HCN1: variants seen among roughly 807,000 people sequenced by gnomAD.
HCN1 encodes the protein hyperpolarization activated cyclic nucleotide gated potassium channel 1, also known as potassium/sodium hyperpolarization-activated cyclic nucleotide-gated channel 1.
HCN1 carries 13 observed loss-of-function variants against 78.9 expected under a neutral mutation model. The ratio of observed to expected loss-of-function variants is 0.16; its 90% CI spans 0.11 to 0.26. The LOEUF (loss-of-function observed/expected upper bound fraction) is 0.26. Among genes scored for constraint, HCN1 ranks in the 10% least tolerant of loss-of-function variants. HCN1 has a pLI of 1.00. For synonymous variants in HCN1, 552 were observed against 455.5 expected (o/e 1.21, Z -2.70); for missense variants, 810 against 1,154.3 (o/e 0.70, Z 4.32).
rs576934645 is a variant in HCN1, at chr5:45,375,921, T to C, written c.1230+20571A>G. 7.3e-5 allele frequency among the ~76,000 whole-genome samples: 9 copies of C among 122,588 alleles called. No individual in the cohort carries two copies. In the Admixed American group the frequency reaches 8.6e-4, roughly 12 times the overall value. 80.4% of individuals were successfully genotyped at this position (122,588 alleles called of 152,430 possible). ...TGATATAATATTTTATCTTATATAT[T>C]ATATATGATATAATATTTTATCACA... On this transcript the variant is annotated intron_variant, in intron 4 of 7. Coordinates refer to ENST00000303230, the MANE Select transcript of HCN1 (RefSeq NM_021072.4).
At chr5:45,399,706 T>C (rs771593676) in intron 3 of HCN1, among the ~76,000 whole-genome samples, 2 of 152,150 alleles carry the variant, frequency 1.3e-5, no homozygotes, top group Non-Finnish European at 2.9e-5. Context: ...CTGCACATAG[T>C]TGCTAAAAAA....
At position 45,539,919 on chromosome 5, in the gene HCN1, G is replaced by GATATATATATAT. The variant is rs66934051; in HGVS notation, c.850-77924_850-77913dup. Among the ~76,000 whole-genome samples the GATATATATATAT allele has an allele frequency of 5.8e-4, 73 of 126,066 alleles. 1 individual carries two copies. The highest frequency in any genetic ancestry group is 2.3e-3 in the African/African-American group (70 of 29,946). The allele number at this position is 126,066 out of a possible 152,430, so 82.7% of individuals were successfully genotyped here. A position where few individuals can be genotyped will look rare whatever the true frequency, so the allele number is the denominator to read the frequency against. Reference sequence around the variant, plus strand: ...GAAATCCCATTGTTTTAAATTGTGAGATATATATATATATATATATATATA... The same window carrying GATATATATATAT: ...GAAATCCCATTGTTTTAAATTGTGAGATATATATATATATATATATATATATATATATATATA... On this transcript the variant is annotated intron_variant, in intron 2 of 7. Transcript: ENST00000303230.
chr5:45,638,985 AATAAT>A (rs2112022712), intron 2 of HCN1, among the ~76,000 whole-genome samples: 1 of 152,358 alleles, frequency 6.6e-6, no homozygotes, highest in African/African-American at 2.4e-5. Flanking sequence ...TTAAAAAGTA[AATAAT>A]ATAATATTGA....
chr5:45,636,040 A>C (rs1745352103), intron 2 of HCN1, among the ~76,000 whole-genome samples: 2 of 152,170 alleles, frequency 1.3e-5, no homozygotes, highest in African/African-American at 4.8e-5. Context: ...TTTTCATTAG[A>C]TAAGTATATT....
At chr5:45,495,947 A>G (rs1407298523) in intron 2 of HCN1, among the ~76,000 whole-genome samples, 1 of 152,176 alleles carries the variant, frequency 6.6e-6, no homozygotes, top group Non-Finnish European at 1.5e-5. Flanking sequence ...CCCAGGGATG[A>G]AGCCCACTTG....
chr5:45,613,051 T>C (rs1744872381), intron 2 of HCN1, among the ~76,000 whole-genome samples: 1 of 151,968 alleles, frequency 6.6e-6, no homozygotes, highest in Non-Finnish European at 1.5e-5. Flanking sequence ...ATGTGCACAT[T>C]GTGCAGGTTA....
At chr5:45,545,941 T>C (rs543870669) in intron 2 of HCN1, among the ~76,000 whole-genome samples, 1 of 152,164 alleles carries the variant, frequency 6.6e-6, no homozygotes, top group South Asian at 2.1e-4. Flanking sequence ...GTATATACTT[T>C]AATGCTCCGT....
At chr5:45,651,238 A>T (rs1745670731) in intron 1 of HCN1, among the ~76,000 whole-genome samples, 1 of 152,030 alleles carries the variant, frequency 6.6e-6, no homozygotes, top group Admixed American at 6.6e-5. Context: ...TAGAATTCCC[A>T]AAAGATAAAT....
rs144467776 is a variant in HCN1 at position 45,402,262 on chromosome 5, G to T, written c.1012-5552C>A. On this transcript the variant is annotated intron_variant, in intron 3 of 7. Transcript: ENST00000303230. ...CAATGAAAACTTGTGAGCAGAGAATGATATGATCTAAACCGTATTTTAGGA... is the reference window on the plus strand; with the variant it reads ...CAATGAAAACTTGTGAGCAGAGAATTATATGATCTAAACCGTATTTTAGGA... Among the ~76,000 whole-genome samples the T allele has an allele frequency of 2.1e-3, 325 of 152,232 alleles. 7 individuals carry two copies. Among genetic ancestry groups the T allele is most frequent in the East Asian group, 0.019 (97 of 5,166 alleles).
intron 4 of HCN1, 73 bp from the exon 5 acceptor site, chr5:45,353,319 G>T (rs1333329306): frequency 6.0e-6 from 7 of 1,170,010 alleles, no homozygotes; most frequent in African/African-American, 1.5e-5. Flanking sequence ...ATTTTGTTTT[G>T]CTATATTCAA....
At chr5:45,532,648 A>G (rs1742883903) in intron 2 of HCN1, among the ~76,000 whole-genome samples, 1 of 152,198 alleles carries the variant, frequency 6.6e-6, no homozygotes, top group South Asian at 2.1e-4. Context: ...GTTTATTTAT[A>G]TCACAACATA....
chr5:45,502,793 A>G (rs1280184599), intron 2 of HCN1, among the ~76,000 whole-genome samples: 3 of 152,176 alleles, frequency 2.0e-5, no homozygotes, highest in Admixed American at 2.0e-4. Context: ...GATTAACAAT[A>G]ATAATAATAG....
intron 5 of HCN1, among the ~76,000 whole-genome samples, chr5:45,332,282 A>G (rs1366422872): frequency 6.6e-6 from 1 of 151,532 alleles, no homozygotes; most frequent in Non-Finnish European, 1.5e-5. Flanking sequence ...TAGTAATCAC[A>G]TCATGGAAAG....
intron 2 of HCN1, among the ~76,000 whole-genome samples, chr5:45,588,731 C>T (rs758909006): frequency 1.3e-5 from 2 of 152,188 alleles, no homozygotes; most frequent in Non-Finnish European, 2.9e-5. Context: ...GCCTTTCATA[C>T]CTGTCAGCAC....
At chr5:45,369,941 A>G (rs1747318566) in intron 4 of HCN1, among the ~76,000 whole-genome samples, 1 of 152,198 alleles carries the variant, frequency 6.6e-6, no homozygotes, top group South Asian at 2.1e-4. Flanking sequence ...GTAAATAACA[A>G]TAACAAAAAT....
intron 2 of HCN1, among the ~76,000 whole-genome samples, chr5:45,572,443 C>T (rs76956025): frequency 0.03 from 4,595 of 152,168 alleles, 95 homozygotes; most frequent in Non-Finnish European, 0.047. Context: ...GTGCAATCTG[C>T]TCAGGGCTAA....
chr5:45,278,263 T>C (rs971659426), intron 6 of HCN1, among the ~76,000 whole-genome samples: 3 of 152,140 alleles, frequency 2.0e-5, no homozygotes, highest in Non-Finnish European at 2.9e-5. Context: ...AAGTTCAGTA[T>C]GTGAGTAGCC....
intron 4 of HCN1, among the ~76,000 whole-genome samples, chr5:45,371,588 C>T (rs1191696114): frequency 6.6e-6 from 1 of 151,150 alleles, no homozygotes; most frequent in African/African-American, 2.4e-5. Flanking sequence ...GAAACCCTGT[C>T]TCTATTAAAA....
At chr5:45,658,750 T>G (rs892002119) in intron 1 of HCN1, among the ~76,000 whole-genome samples, 2 of 152,014 alleles carry the variant, frequency 1.3e-5, no homozygotes, top group African/African-American at 4.8e-5. Context: ...TCAGACCGGC[T>G]TAAAAAACGG....
Sources: gnomAD v4.1 joint callset for allele counts (sites outside exome capture counted in the v4.1 genomes callset) on GRCh38, gnomAD v4.1.1 for gene constraint, MANE v1.5 for transcripts, NCBI Gene and HGNC (gene_info 2026-07-23, HGNC 2026-07-21) for gene names.